Variants in OTUD6A observed in about 807,000 individuals in gnomAD.
The protein encoded by OTUD6A is OTU domain-containing protein 6A.
For missense variants in OTUD6A, 209 were observed against 268.2 expected (o/e 0.78, Z 1.54); for synonymous variants, 138 against 120.2 (o/e 1.15, Z -0.97).
chrX:70,062,548 G>A lies in OTUD6A; in HGVS notation c.24G>A (p.Gln8=), dbSNP rs774347339. 1 of 1,208,398 alleles carries A rather than the reference G, an allele frequency of 8.3e-7. No individual in the cohort carries two copies. The highest frequency in any genetic ancestry group is 1.1e-6 in the Non-Finnish European group (1 of 894,017). The change falls in exon 1 of 1, where the codon CAG becomes CAA. Residue 8 remains glutamine (Q), a synonymous_variant. Coordinates refer to ENST00000338352, the MANE Select transcript of OTUD6A (RefSeq NM_207320.3). The part of the protein sequence containing the change: MDDPKSE[Q]QRILRRHQRE... ...TCATGGATGATCCGAAGAGTGAACA[G>A]CAGCGCATACTGCGCCGCCACCAAC...
chrX:70,063,602 G>T lies in OTUD6A; in HGVS notation c.*211G>T. The stretch of plus-strand genomic sequence containing the variant: ...CGAGGGAAATTCCCCGGAAATATGA[G>T]GGAAATCTCTGCATTGCACCACCAG... On this transcript the variant is annotated 3_prime_UTR_variant, in exon 1 of 1. Transcript: ENST00000338352. 2.2e-6 allele frequency: 1 copy of T among 463,449 alleles called. No individual in the cohort carries two copies. The highest frequency in any genetic ancestry group is 4.7e-5 in the South Asian group (1 of 21,397). 38.2% of individuals were successfully genotyped at this position (463,449 alleles called of 1,213,427 possible). A position where few individuals can be genotyped will look rare whatever the true frequency, so the allele number is the denominator to read the frequency against.
At position 70,062,701 on chromosome X, in the gene OTUD6A, C is replaced by A; in HGVS notation, c.177C>A (p.His59Gln). The A allele has an allele frequency of 8.3e-7, 1 of 1,211,056 alleles. No individual in the cohort carries two copies. Among genetic ancestry groups the A allele is most frequent in the East Asian group, 3.0e-5 (1 of 33,810 alleles). ...TGGAGGCCGAGATGGCTCAGAAGCA[C>A]CGGCAGGAGCTGGAGAAGTTCCAAG... Reference protein sequence around the residue: ...ARMEAEMAQKHRQELEKFQDD... With the variant: ...ARMEAEMAQKQRQELEKFQDD... Residue 59 changes from histidine to glutamine, a missense_variant, in exon 1 of 1, where the codon CAC becomes CAA. Transcript: ENST00000338352.
In OTUD6A at chrX:70,063,586, T is replaced by G; in HGVS notation, c.*195T>G. 1 of 488,907 alleles carries G rather than the reference T, an allele frequency of 2.0e-6. No homozygotes were observed. The highest frequency in any genetic ancestry group is 3.3e-6 in the Non-Finnish European group (1 of 303,029). 40.3% of individuals were successfully genotyped at this position (488,907 alleles called of 1,213,427 possible). A position where few individuals can be genotyped will look rare whatever the true frequency, so the allele number is the denominator to read the frequency against. On this transcript the variant is annotated 3_prime_UTR_variant, in exon 1 of 1. Coordinates refer to ENST00000338352, the MANE Select transcript of OTUD6A (RefSeq NM_207320.3). The stretch of plus-strand genomic sequence containing the variant: ...GGTGGGAAACGAAATTCGAGGGAAA[T>G]TCCCCGGAAATATGAGGGAAATCTC...
rs2020464244 is a variant in OTUD6A at position 70,063,842 on chromosome X, G to T, written c.*451G>T. 1 of 116,519 alleles carries T rather than the reference G, an allele frequency of 8.6e-6. No individual in the cohort carries two copies. Among genetic ancestry groups the T allele is most frequent in the African/African-American group, 3.2e-5 (1 of 30,939 alleles). The allele number at this position is 116,519 out of a possible 1,213,427, so 9.6% of individuals were successfully genotyped here. A position where few individuals can be genotyped will look rare whatever the true frequency, so the allele number is the denominator to read the frequency against. On this transcript the variant is annotated 3_prime_UTR_variant, in exon 1 of 1. Coordinates refer to ENST00000338352, the MANE Select transcript of OTUD6A (RefSeq NM_207320.3). ...GTTCGAGACCAGCCTGGCCAACATGGTGAAACCCCACCTCTACAAAAAATA... is the reference window on the plus strand; with the variant it reads ...GTTCGAGACCAGCCTGGCCAACATGTTGAAACCCCACCTCTACAAAAAATA...
In OTUD6A at chrX:70,062,929, C is replaced by T; in HGVS notation, c.405C>T (p.Ile135=). 1.7e-6 allele frequency: 2 copies of T among 1,194,616 alleles called. No homozygotes were observed. The highest frequency in any genetic ancestry group is 2.3e-5 in the Admixed American group (1 of 43,532). ...AGGAGGAGGAGAAGCTCGCCGCCAT[C>T]CTGGGAGCCAGGGGTCTGGAGATGA... The part of the protein sequence containing the change: ...KREEEEKLAA[I]LGARGLEMKA... The change falls in exon 1 of 1, where the codon ATC becomes ATT. Residue 135 remains isoleucine (I), a synonymous_variant. Transcript: ENST00000338352.
Position 70,063,007 on chromosome X carries a change from G to C in OTUD6A, c.483G>C (p.Leu161=). ...TGTACCGCGCCATCCAAGACCAGCT[G>C]GTGTTCAGCGTGTCTGTGGAGATGC... ...HCMYRAIQDQ[L]VFSVSVEMLR... is the part of the protein sequence containing the mutation. Residue 161 remains leucine (L), a synonymous_variant, in exon 1 of 1, where the codon CTG becomes CTC. Coordinates refer to ENST00000338352, the MANE Select transcript of OTUD6A (RefSeq NM_207320.3). 8.3e-7 allele frequency: 1 copy of C among 1,211,339 alleles called. No homozygotes were observed. The highest frequency in any genetic ancestry group is 1.1e-6 in the Non-Finnish European group (1 of 895,277).
At position 70,063,378 on chromosome X, in the gene OTUD6A, C is replaced by T; in HGVS notation, c.854C>T (p.Pro285Leu). Residue 285 changes from proline to leucine, a missense_variant, in exon 1 of 1, where the codon CCG becomes CTG. Pro to Leu is a moderately conservative substitution (Grantham distance 98, BLOSUM62 -3). Coordinates refer to ENST00000338352, the MANE Select transcript of OTUD6A (RefSeq NM_207320.3). ...GCCGGCGCCGCCGGGGGCGTGCTCC[C>T]GCGTCTCCTGTAGGCCCCAAGGCGC... ...LEAGAAGGVL[P>L]RLL 1 of 1,191,167 alleles carries T rather than the reference C, an allele frequency of 8.4e-7. No homozygotes were observed. The highest frequency in any genetic ancestry group is 3.0e-5 in the East Asian group (1 of 33,076).
rs370020356 is a variant in OTUD6A at position 70,062,704 on chromosome X, G to A, written c.180G>A (p.Arg60=). 2 of 1,211,086 alleles carry A rather than the reference G, an allele frequency of 1.7e-6. No individual in the cohort carries two copies. The highest frequency in any genetic ancestry group is 2.2e-6 in the Non-Finnish European group (2 of 895,121). The change falls in exon 1 of 1, where the codon CGG becomes CGA. Residue 60 remains arginine, a synonymous_variant. Transcript: ENST00000338352. ...RMEAEMAQKH[R]QELEKFQDDS... Reference sequence around the variant, plus strand: ...AGGCCGAGATGGCTCAGAAGCACCGGCAGGAGCTGGAGAAGTTCCAAGACG... The same window carrying A: ...AGGCCGAGATGGCTCAGAAGCACCGACAGGAGCTGGAGAAGTTCCAAGACG...
Position 70,063,747 on chromosome X carries a change from G to A in OTUD6A, c.*356G>A, listed in dbSNP as rs1227105054. On this transcript the variant is annotated 3_prime_UTR_variant, in exon 1 of 1. Coordinates refer to ENST00000338352, the MANE Select transcript of OTUD6A (RefSeq NM_207320.3). ...CACCACAAAAATGGAAATATTGGCC[G>A]GGCGCGGTGGCTCACGCCTGTAATC... 1.2e-5 allele frequency: 2 copies of A among 162,717 alleles called. No homozygotes were observed. The highest frequency in any genetic ancestry group is 2.5e-5 in the Non-Finnish European group (2 of 79,562). The allele number at this position is 162,717 out of a possible 1,213,427, so 13.4% of individuals were successfully genotyped here. A position where few individuals can be genotyped will look rare whatever the true frequency, so the allele number is the denominator to read the frequency against.
chrX:70,063,110 G>T lies in OTUD6A; in HGVS notation c.586G>T (p.Asp196Tyr), dbSNP rs977311840. ...CTTCTTCAGCAACCCCGAGACCAGC[G>T]ACTCCTTCGGCTACGACGACTTCAT... ...LPFFSNPETS[D>Y]SFGYDDFMIY... The change falls in exon 1 of 1, where the codon GAC becomes TAC. Residue 196 changes from aspartate to tyrosine, a missense_variant. By Grantham distance (160) the Asp-to-Tyr change is radical (BLOSUM62 -3). Transcript: ENST00000338352. 8.3e-7 allele frequency: 1 copy of T among 1,211,210 alleles called. No homozygotes were observed. The highest frequency in any genetic ancestry group is 3.0e-5 in the East Asian group (1 of 33,809).
At position 70,062,702 on chromosome X, in the gene OTUD6A, C is replaced by G; in HGVS notation, c.178C>G (p.Arg60Gly). The change falls in exon 1 of 1, where the codon CGG becomes GGG. Residue 60 changes from arginine (R) to glycine (G), a missense_variant. By Grantham distance (125) the Arg-to-Gly change is moderately radical (BLOSUM62 -2). Coordinates refer to ENST00000338352, the MANE Select transcript of OTUD6A (RefSeq NM_207320.3). Reference protein sequence around the residue: ...RMEAEMAQKHRQELEKFQDDS... With the variant: ...RMEAEMAQKHGQELEKFQDDS... ...GGAGGCCGAGATGGCTCAGAAGCAC[C>G]GGCAGGAGCTGGAGAAGTTCCAAGA... 2 of 1,210,990 alleles carry G rather than the reference C, an allele frequency of 1.7e-6. No homozygotes were observed. Among genetic ancestry groups the G allele is most frequent in the Non-Finnish European group, 2.2e-6 (2 of 895,099 alleles).
At position 70,063,413 on chromosome X, in the gene OTUD6A, C is replaced by T. The variant is rs767539927; in HGVS notation, c.*22C>T. On this transcript the variant is annotated 3_prime_UTR_variant, in exon 1 of 1. Coordinates refer to ENST00000338352, the MANE Select transcript of OTUD6A (RefSeq NM_207320.3). ...GTAGGCCCCAAGGCGCTGAGCAGCC[C>T]CGGGAAACTGTCGCCGTCGCCGCAT... 6 of 1,153,698 alleles carry T rather than the reference C, an allele frequency of 5.2e-6. No individual in the cohort carries two copies. The highest frequency in any genetic ancestry group is 4.6e-6 in the Non-Finnish European group (4 of 865,754).
In OTUD6A at chrX:70,062,683, C is replaced by T; in HGVS notation, c.159C>T (p.Ala53=). The T allele has an allele frequency of 8.3e-7, 1 of 1,211,288 alleles. No homozygotes were observed. Among genetic ancestry groups the T allele is most frequent in the Middle Eastern group, 2.3e-4 (1 of 4,355 alleles). The part of the protein sequence containing the change: ...QLLQDVARME[A]EMAQKHRQEL... The stretch of plus-strand genomic sequence containing the variant: ...TCCAAGACGTGGCCCGCATGGAGGC[C>T]GAGATGGCTCAGAAGCACCGGCAGG... The change falls in exon 1 of 1, where the codon GCC becomes GCT. Residue 53 remains alanine (A), a synonymous_variant. Transcript: ENST00000338352.
chrX:70,063,138 T>C lies in OTUD6A; in HGVS notation c.614T>C (p.Ile205Thr), dbSNP rs1185922316. 8.3e-7 allele frequency: 1 copy of C among 1,209,537 alleles called. No homozygotes were observed. The highest frequency in any genetic ancestry group is 1.8e-5 in the African/African-American group (1 of 57,087). ...TCCTTCGGCTACGACGACTTCATGA[T>C]CTACTGCGACAACATCGTGCGCACC... ...SDSFGYDDFMIYCDNIVRTTA... is the reference protein window; with the variant it reads ...SDSFGYDDFMTYCDNIVRTTA... Residue 205 changes from isoleucine (I) to threonine (T), a missense_variant, in exon 1 of 1, where the codon ATC (isoleucine) becomes ACC (threonine). By Grantham distance (89) the Ile-to-Thr change is moderately conservative. Coordinates refer to ENST00000338352, the MANE Select transcript of OTUD6A (RefSeq NM_207320.3).
In OTUD6A at chrX:70,063,502, T is replaced by G. The variant is rs1015563980; in HGVS notation, c.*111T>G. ...TCTCTGTTTTTCTTTTCCTTCCTTTTAATCAAAACTACCCGCCCCCGCCCC... is the reference window on the plus strand; with the variant it reads ...TCTCTGTTTTTCTTTTCCTTCCTTTGAATCAAAACTACCCGCCCCCGCCCC... On this transcript the variant is annotated 3_prime_UTR_variant, in exon 1 of 1. Coordinates refer to ENST00000338352, the MANE Select transcript of OTUD6A (RefSeq NM_207320.3). The G allele has an allele frequency of 8.6e-6, 8 of 934,760 alleles. No homozygotes were observed. The highest frequency in any genetic ancestry group is 1.0e-5 in the Non-Finnish European group (7 of 702,236). The allele number at this position is 934,760 out of a possible 1,213,427, so 77.0% of individuals were successfully genotyped here. A position where few individuals can be genotyped will look rare whatever the true frequency, so the allele number is the denominator to read the frequency against.
At position 70,062,593 on chromosome X, in the gene OTUD6A, G is replaced by A. The variant is rs2020454108; in HGVS notation, c.69G>A (p.Gln23=). 5 of 1,209,509 alleles carry A rather than the reference G, an allele frequency of 4.1e-6. No individual in the cohort carries two copies. Among genetic ancestry groups the A allele is most frequent in the South Asian group, 1.8e-5 (1 of 56,502 alleles). Residue 23 remains glutamine, a synonymous_variant, in exon 1 of 1, where the codon CAG becomes CAA. Coordinates refer to ENST00000338352, the MANE Select transcript of OTUD6A (RefSeq NM_207320.3). ...ACCAACGCGAGAGGCAGGAGCTGCAGGCCCAGATCCGGAGCTTAAAAAACT... is the reference window on the plus strand; with the variant it reads ...ACCAACGCGAGAGGCAGGAGCTGCAAGCCCAGATCCGGAGCTTAAAAAACT... The part of the protein sequence containing the change: ...RRHQRERQEL[Q]AQIRSLKNSV...
In OTUD6A at chrX:70,062,522, A is replaced by G; in HGVS notation, c.-3A>G. On this transcript the variant is annotated 5_prime_UTR_variant, in exon 1 of 1. Transcript: ENST00000338352. ...TTTCAACTCCCGCTTGCCATTCAACATCATGGATGATCCGAAGAGTGAACA... is the reference window on the plus strand; with the variant it reads ...TTTCAACTCCCGCTTGCCATTCAACGTCATGGATGATCCGAAGAGTGAACA... 8.3e-7 allele frequency: 1 copy of G among 1,202,901 alleles called. No homozygotes were observed. Among genetic ancestry groups the G allele is most frequent in the Non-Finnish European group, 1.1e-6 (1 of 891,266 alleles).
At position 70,063,244 on chromosome X, in the gene OTUD6A, G is replaced by C. The variant is rs779463254; in HGVS notation, c.720G>C (p.Ser240=). Residue 240 remains serine, a synonymous_variant, in exon 1 of 1, where the codon TCG becomes TCC. Transcript: ENST00000338352. ...KTPIEVIQAD[S]PTLIIGEEYV... Reference sequence around the variant, plus strand: ...CCATCGAGGTGATCCAGGCCGACTCGCCCACCTTGATCATCGGGGAGGAGT... The same window carrying C: ...CCATCGAGGTGATCCAGGCCGACTCCCCCACCTTGATCATCGGGGAGGAGT... The C allele has an allele frequency of 8.3e-7, 1 of 1,211,408 alleles. No homozygotes were observed. Among genetic ancestry groups the C allele is most frequent in the Non-Finnish European group, 1.1e-6 (1 of 895,517 alleles).
At position 70,063,403 on chromosome X, in the gene OTUD6A, C is replaced by T. The variant is rs1359175073; in HGVS notation, c.*12C>T. On this transcript the variant is annotated 3_prime_UTR_variant, in exon 1 of 1. Coordinates refer to ENST00000338352, the MANE Select transcript of OTUD6A (RefSeq NM_207320.3). ...CGCGTCTCCTGTAGGCCCCAAGGCG[C>T]TGAGCAGCCCCGGGAAACTGTCGCC... is the stretch of plus-strand genomic sequence containing the variant. 2 of 1,163,780 alleles carry T rather than the reference C, an allele frequency of 1.7e-6. No individual in the cohort carries two copies. Among genetic ancestry groups the T allele is most frequent in the Admixed American group, 2.5e-5 (1 of 40,548 alleles).
Sources: gnomAD v4.1 joint callset for allele counts on GRCh38, gnomAD v4.1.1 for gene constraint, MANE v1.5 for transcripts, NCBI Gene and HGNC (gene_info 2026-07-23, HGNC 2026-07-21) for gene names.